CRISPLD2: variants seen among roughly 807,000 people sequenced by gnomAD.
The protein encoded by CRISPLD2 is cysteine-rich secretory protein LCCL domain-containing 2.
A neutral mutation model predicts 71.1 loss-of-function variants in CRISPLD2; 47 were observed. The ratio of observed to expected loss-of-function variants is 0.66; its 90% CI spans 0.52 to 0.84. The LOEUF (loss-of-function observed/expected upper bound fraction) is 0.84. Ranked by LOEUF, CRISPLD2 falls within the 40% of genes least tolerant of loss-of-function variation. The pLI is 0.00. For missense variants in CRISPLD2, 830 were observed against 651.1 expected, an observed-to-expected ratio of 1.27 and a Z score of -2.99; for synonymous variants, 317 against 250.1, an observed-to-expected ratio of 1.27 and a Z score of -2.52.
intron 13 of CRISPLD2, among the ~76,000 whole-genome samples, chr16:84,888,398 T>A (rs2071631588): frequency 6.6e-6 from 1 of 152,186 alleles, no homozygotes; most frequent in Non-Finnish European, 1.5e-5. Context: ...TAGCCAGGTG[T>A]TGTGGTACAC....
intron 14 of CRISPLD2, among the ~76,000 whole-genome samples, chr16:84,904,221 C>G (rs528508343): frequency 5.3e-5 from 8 of 152,164 alleles, no homozygotes; most frequent in Non-Finnish European, 1.0e-4. Context: ...CTTCCCAATT[C>G]TGAAACATCC....
At chr16:84,872,724 C>G (rs2071482125) in intron 9 of CRISPLD2, among the ~76,000 whole-genome samples, 1 of 152,204 alleles carries the variant, frequency 6.6e-6, no homozygotes, top group African/African-American at 2.4e-5. Flanking sequence ...CCGTCTTAGA[C>G]TGAGCATTCA....
rs1916679821 is a variant in CRISPLD2 at position 84,838,437 on chromosome 16, C to T, written c.-59C>T. 6.3e-7 allele frequency: 1 copy of T among 1,579,966 alleles called. No homozygotes were observed. Among genetic ancestry groups the T allele is most frequent in the Non-Finnish European group, 8.6e-7 (1 of 1,161,964 alleles). ...TTCCTTTCAGAGCTCAAGCGCCCAG[C>T]TCTGCCCGAGGAGCCCAGGCTGCCC... On this transcript the variant is annotated 5_prime_UTR_variant, in exon 2 of 15. Coordinates refer to ENST00000262424, the MANE Select transcript of CRISPLD2 (RefSeq NM_031476.4).
intron 1 of CRISPLD2, among the ~76,000 whole-genome samples, chr16:84,827,448 T>A (rs932280312): frequency 5.9e-5 from 9 of 151,598 alleles, no homozygotes; most frequent in African/African-American, 9.7e-5. Flanking sequence ...CTGACCCCAT[T>A]CCTCCCCAGC....
intron 6 of CRISPLD2, among the ~76,000 whole-genome samples, chr16:84,866,319 C>T (rs1159817069): frequency 1.3e-5 from 2 of 151,966 alleles, no homozygotes; most frequent in Admixed American, 1.3e-4. Context: ...CTGCAACCTC[C>T]ACCTACCGGC....
chr16:84,886,914 T>G (rs1461090304), intron 13 of CRISPLD2, among the ~76,000 whole-genome samples: 1 of 152,232 alleles, frequency 6.6e-6, no homozygotes, highest in Non-Finnish European at 1.5e-5. Flanking sequence ...GGGTTCGACC[T>G]CCAGAACTCT....
chr16:84,872,507 G>A lies in CRISPLD2; in HGVS notation c.980G>A (p.Ser327Asn). 1 of 1,613,418 alleles carries A rather than the reference G, an allele frequency of 6.2e-7. No individual in the cohort carries two copies. Among genetic ancestry groups the A allele is most frequent in the Non-Finnish European group, 8.5e-7 (1 of 1,179,564 alleles). Residue 327 changes from serine (S) to asparagine (N), a missense_variant and splice_region_variant, in exon 9 of 15, where the codon AGC (serine) becomes AAC (asparagine). Physicochemically the swap from Ser to Asn is conservative, Grantham distance 46. Coordinates refer to ENST00000262424, the MANE Select transcript of CRISPLD2 (RefSeq NM_031476.4). Reference protein sequence around the residue: ...AKIFGTLFYESSSSICRAAIH... With the variant: ...AKIFGTLFYENSSSICRAAIH... The stretch of plus-strand genomic sequence containing the variant: ...ATCTTTGGAACTCTGTTCTATGAAA[G>A]CGTGAGTGTGGCCAGTCCTCCTCTC...
intron 13 of CRISPLD2, among the ~76,000 whole-genome samples, chr16:84,884,060 G>C (rs572112294): frequency 6.6e-6 from 1 of 152,186 alleles, no homozygotes; most frequent in South Asian, 2.1e-4. Flanking sequence ...GGCCAGGTTG[G>C]TCTCGAACTC....
intron 13 of CRISPLD2, among the ~76,000 whole-genome samples, chr16:84,882,450 G>T (rs528767193): frequency 2.0e-5 from 3 of 149,304 alleles, no homozygotes; most frequent in African/African-American, 7.4e-5. Context: ...CACTCCTGTT[G>T]CCCAGGCTGG....
chr16:84,904,672 A>G (rs1158616262), intron 14 of CRISPLD2, among the ~76,000 whole-genome samples: 1 of 152,316 alleles, frequency 6.6e-6, no homozygotes, highest in Middle Eastern at 3.4e-3. Context: ...CTTCCAGTCA[A>G]TTGATTTTGA....
chr16:84,841,634 C>T (rs1252250324), intron 2 of CRISPLD2, among the ~76,000 whole-genome samples: 3 of 151,780 alleles, frequency 2.0e-5, no homozygotes, highest in Non-Finnish European at 2.9e-5. Context: ...CTCGCTCTGT[C>T]CCCCAGGCTG....
chr16:84,837,595 T>G (rs1916655492), intron 1 of CRISPLD2, among the ~76,000 whole-genome samples: 1 of 151,152 alleles, frequency 6.6e-6, no homozygotes, highest in Non-Finnish European at 1.5e-5. Context: ...TTTTTGTATT[T>G]TTTAGTAGAG....
intron 3 of CRISPLD2, 37 bp downstream of exon 3, chr16:84,845,941 C>T: frequency 7.2e-7 from 1 of 1,395,488 alleles, no homozygotes; most frequent in Non-Finnish European, 1.0e-6. Context: ...TGCCGCAGGA[C>T]CCCACTGCCG....
intron 14 of CRISPLD2, among the ~76,000 whole-genome samples, chr16:84,893,475 A>G (rs1400857854): frequency 6.6e-6 from 1 of 152,158 alleles, no homozygotes. Context: ...CGCTCACTCC[A>G]TGCAGGCATC....
At chr16:84,904,239 C>T (rs1261367377) in intron 14 of CRISPLD2, among the ~76,000 whole-genome samples, 2 of 152,100 alleles carry the variant, frequency 1.3e-5, no homozygotes, top group Admixed American at 6.6e-5. Flanking sequence ...TCCTATACAG[C>T]GACAGTGATC....
In CRISPLD2 at chr16:84,907,205, C is replaced by G. The variant is rs368638201; in HGVS notation, c.*563C>G. The G allele has an allele frequency of 6.0e-6, 1 of 167,500 alleles. No homozygotes were observed. The highest frequency in any genetic ancestry group is 2.4e-5 in the African/African-American group (1 of 41,534). The allele number at this position is 167,500 out of a possible 1,614,324, so 10.4% of individuals were successfully genotyped here. A position where few individuals can be genotyped will look rare whatever the true frequency, so the allele number is the denominator to read the frequency against. ...AGACAAATGGGCTAGAGTAAGAGGG[C>G]TGCGGGTATGAGAGACCCCGGCTCC... is the stretch of plus-strand genomic sequence containing the variant. On this transcript the variant is annotated 3_prime_UTR_variant, in exon 15 of 15. Transcript: ENST00000262424.
chr16:84,887,317 C>G (rs2071621953), intron 13 of CRISPLD2, among the ~76,000 whole-genome samples: 1 of 152,194 alleles, frequency 6.6e-6, no homozygotes, highest in Non-Finnish European at 1.5e-5. Flanking sequence ...TATGGGGAGT[C>G]TGCCCCGTTC....
chr16:84,827,273 C>T (rs1324218628), intron 1 of CRISPLD2, among the ~76,000 whole-genome samples: 4 of 152,126 alleles, frequency 2.6e-5, no homozygotes, highest in East Asian at 1.9e-4. Flanking sequence ...ACCGTGTCTG[C>T]GGGGTTTGTC....
chr16:84,824,739 G>A (rs917419580), intron 1 of CRISPLD2, among the ~76,000 whole-genome samples: 192 of 152,320 alleles, frequency 1.3e-3, no homozygotes, highest in Non-Finnish European at 3.4e-4. Flanking sequence ...CTCTGCCAGT[G>A]GGAGTGATAG....
Sources: allele counts gnomAD v4.1 joint callset (sites outside exome capture counted in the v4.1 genomes callset), GRCh38; gene constraint gnomAD v4.1.1; transcripts MANE v1.5; gene names NCBI Gene and HGNC (gene_info 2026-07-23, HGNC 2026-07-21).